Variants in OXCT1 observed in about 807,000 individuals in gnomAD.
The protein encoded by OXCT1 is succinyl-CoA:3-ketoacid coenzyme A transferase 1, mitochondrial.
OXCT1 carries 27 observed loss-of-function variants against 69.6 expected under a neutral mutation model. That is an observed-to-expected ratio of 0.39 (90% CI 0.29 to 0.54). OXCT1 has a LOEUF of 0.54. Among genes scored for constraint, OXCT1 ranks in the 20% least tolerant of loss-of-function variants. The probability of loss-of-function intolerance (pLI) is 0.72; values close to 1 mark genes in which losing one functional copy is unlikely to be tolerated. For synonymous variants in OXCT1, 202 were observed against 217.8 expected, an observed-to-expected ratio of 0.93 and a Z score of 0.64; for missense variants, 437 against 650.2, an observed-to-expected ratio of 0.67 and a Z score of 3.57.
chr5:41,745,269 A>T lies in OXCT1; in HGVS notation c.1419+4258T>A, dbSNP rs369368738. 5.9e-5 allele frequency among the ~76,000 whole-genome samples: 9 copies of T among 152,234 alleles called. No individual in the cohort carries two copies. In the South Asian group the frequency reaches 1.9e-3, roughly 32 times the overall value. On this transcript the variant is annotated intron_variant, in intron 15 of 16. Transcript: ENST00000196371. ...AACTCACTCAAAACCACTCAACTAC[A>T]TGGAAACTGAACAACCTGCTCCTGA...
intron 6 of OXCT1, among the ~76,000 whole-genome samples, chr5:41,841,552 C>T (rs955419470): frequency 1.3e-5 from 2 of 152,290 alleles, no homozygotes; most frequent in Middle Eastern, 3.4e-3. Flanking sequence ...ATTTCACACC[C>T]GAACTCATTA....
At chr5:41,842,414 A>G (rs1216277222) in intron 6 of OXCT1, among the ~76,000 whole-genome samples, 3 of 152,194 alleles carry the variant, frequency 2.0e-5, no homozygotes, top group Non-Finnish European at 4.4e-5. Flanking sequence ...ACAAGGAGAA[A>G]AACAACTGCA....
intron 14 of OXCT1, among the ~76,000 whole-genome samples, chr5:41,754,646 G>C (rs1743971571): frequency 6.6e-6 from 1 of 152,066 alleles, no homozygotes; most frequent in Admixed American, 6.6e-5. Flanking sequence ...GAAAGAATGA[G>C]ATTACTCACA....
At chr5:41,747,869 G>T (rs530671752) in intron 15 of OXCT1, among the ~76,000 whole-genome samples, 1 of 152,012 alleles carries the variant, frequency 6.6e-6, no homozygotes, top group African/African-American at 2.4e-5. Context: ...ACACTGCTGG[G>T]CAGCTTTTCT....
chr5:41,760,644 A>G (rs1744301876), intron 14 of OXCT1, among the ~76,000 whole-genome samples: 1 of 152,180 alleles, frequency 6.6e-6, no homozygotes, highest in African/African-American at 2.4e-5. Context: ...ACAAAAAGAA[A>G]GTCTGAAAGA....
intron 16 of OXCT1, 78 bp downstream of exon 16, chr5:41,739,312 G>A (rs1056185553): frequency 2.4e-5 from 23 of 958,470 alleles, no homozygotes; most frequent in Non-Finnish European, 3.6e-5. Context: ...CAAATTAATG[G>A]TTCATGTCCT....
chr5:41,870,020 C>T lies in OXCT1; in HGVS notation c.78+261G>A, dbSNP rs1579923515. 36 of 514,968 alleles carry T rather than the reference C, an allele frequency of 7.0e-5. 1 individual carries two copies. In the South Asian group the frequency reaches 7.3e-4, roughly 10 times the overall value. 31.9% of individuals were successfully genotyped at this position (514,968 alleles called of 1,614,324 possible). A position where few individuals can be genotyped will look rare whatever the true frequency, so the allele number is the denominator to read the frequency against. On this transcript the variant is annotated intron_variant, in intron 1 of 16. Transcript: ENST00000196371. This position sits in a 1 kb window ranked among gnomAD's most constrained non-coding sequence, Gnocchi z 4.2. The stretch of plus-strand genomic sequence containing the variant: ...AGCGCTGCCAGGAGTCCTCCCGCCC[C>T]TTCTCAGCCTCTCCGCGCGCTTCTT...
intron 11 of OXCT1, among the ~76,000 whole-genome samples, chr5:41,800,700 CT>C (rs751754336): frequency 7.9e-5 from 12 of 151,968 alleles, no homozygotes; most frequent in Non-Finnish European, 1.6e-4. Flanking sequence ...TTCTTGGTCT[CT>C]TTTAATCCTG....
At chr5:41,861,447 C>A (rs923279255) in intron 2 of OXCT1, 43 bp from the exon 3 acceptor site, 9 of 1,102,592 alleles carry the variant, frequency 8.2e-6, no homozygotes, top group African/African-American at 6.1e-5. Context: ...AAGGGGGTAA[C>A]AATGTTCTTT....
chr5:41,860,963 C>T (rs952144391), intron 3 of OXCT1, among the ~76,000 whole-genome samples: 4 of 151,930 alleles, frequency 2.6e-5, no homozygotes, highest in Admixed American at 6.6e-5. Context: ...TAATAAATAA[C>T]ATAAAACAAT....
rs558602629 is a variant in OXCT1, at chr5:41,789,956, T to A, written c.1248+4047A>T. ...TAGCATGTCTAGAGAACCCAATCAA[T>A]TTTATGTGCTCAGACATGTAGCACA... On this transcript the variant is annotated intron_variant, in intron 13 of 16. Coordinates refer to ENST00000196371, the MANE Select transcript of OXCT1 (RefSeq NM_000436.4). 1.9e-3 allele frequency among the ~76,000 whole-genome samples: 290 copies of A among 152,346 alleles called. 3 individuals are homozygous for A. Among genetic ancestry groups the A allele is most frequent in the South Asian group, 8.1e-3 (39 of 4,830 alleles).
chr5:41,757,915 T>C (rs571513308), intron 14 of OXCT1, among the ~76,000 whole-genome samples: 4 of 152,208 alleles, frequency 2.6e-5, no homozygotes, highest in Admixed American at 6.5e-5. Flanking sequence ...CCAAGCAGTG[T>C]TGACTATGTT....
intron 13 of OXCT1, among the ~76,000 whole-genome samples, chr5:41,787,909 C>T (rs1745725395): frequency 6.6e-6 from 1 of 151,894 alleles, no homozygotes; most frequent in Admixed American, 6.6e-5. Context: ...GGATGTCCTT[C>T]AAGCAGAAGG....
chr5:41,777,213 C>G (rs572204484), intron 13 of OXCT1, among the ~76,000 whole-genome samples: 3 of 152,036 alleles, frequency 2.0e-5, no homozygotes, highest in Non-Finnish European at 4.4e-5. Context: ...GTCAGGAGTT[C>G]GAGACCAGCC....
intron 15 of OXCT1, among the ~76,000 whole-genome samples, chr5:41,745,779 C>A (rs1743453926): frequency 6.6e-6 from 1 of 152,164 alleles, no homozygotes; most frequent in African/African-American, 2.4e-5. Context: ...CACCTCTACG[C>A]AAATAAACTA....
In OXCT1 at chr5:41,787,281, A is replaced by C. The variant is rs1172089498; in HGVS notation, c.1248+6722T>G. The stretch of plus-strand genomic sequence containing the variant: ...TGATATTAAACAGTTAGAAAAATCA[A>C]ACTGACATGAAAAAGTGGCTTTCGG... On this transcript the variant is annotated intron_variant, in intron 13 of 16. Coordinates refer to ENST00000196371, the MANE Select transcript of OXCT1 (RefSeq NM_000436.4). 2.0e-5 allele frequency among the ~76,000 whole-genome samples: 3 copies of C among 152,318 alleles called. No individual in the cohort carries two copies. In the East Asian group the frequency reaches 5.8e-4, roughly 29 times the overall value.
chr5:41,869,047 T>C (rs1032914786), intron 1 of OXCT1, among the ~76,000 whole-genome samples: 2 of 152,190 alleles, frequency 1.3e-5, no homozygotes, highest in Non-Finnish European at 2.9e-5. Flanking sequence ...TGTATTAGCT[T>C]CAGCACCGCT....
intron 7 of OXCT1, among the ~76,000 whole-genome samples, chr5:41,821,311 TC>T (rs1747536633): frequency 6.6e-6 from 1 of 152,226 alleles, no homozygotes; most frequent in Non-Finnish European, 1.5e-5. Flanking sequence ...ATAAAGTGGT[TC>T]TTAGATGTTT....
At chr5:41,825,357 G>A (rs1043480232) in intron 7 of OXCT1, among the ~76,000 whole-genome samples, 9 of 152,204 alleles carry the variant, frequency 5.9e-5, no homozygotes, top group African/African-American at 2.2e-4. Flanking sequence ...GAGTGGACTT[G>A]ATTTCTTCAT....
Sources: gnomAD v4.1 joint callset for allele counts (sites outside exome capture counted in the v4.1 genomes callset) on GRCh38, gnomAD v4.1.1 for gene constraint, Gnocchi (gnomAD v3.1) non-coding constraint, MANE v1.5 for transcripts, NCBI Gene and HGNC (gene_info 2026-07-23, HGNC 2026-07-21) for gene names.